The following RPAP2 variants were observed in gnomAD, a reference collection of about 807,000 sequenced individuals.
RPAP2 encodes the protein putative RNA polymerase II subunit B1 CTD phosphatase RPAP2.
RPAP2 carries 52 observed loss-of-function variants against 73.1 expected under a neutral mutation model. The observed-to-expected ratio is 0.71, with a 90% CI of 0.57 to 0.90. The LOEUF is 0.90. Among genes scored for constraint, RPAP2 ranks in the 40% least tolerant of loss-of-function variants. The pLI is 0.00. For synonymous variants in RPAP2, 225 were observed against 242.1 expected, an observed-to-expected ratio of 0.93 and a Z score of 0.65; for missense variants, 598 against 701.8, an observed-to-expected ratio of 0.85 and a Z score of 1.67.
At chr1:92,309,271 GTC>G (rs1305724470) in intron 6 of RPAP2, among the ~76,000 whole-genome samples, 1 of 151,964 alleles carries the variant, frequency 6.6e-6, no homozygotes, top group African/African-American at 2.4e-5. Flanking sequence ...GTGAAACCCT[GTC>G]TCTACTAAAA....
intron 11 of RPAP2, among the ~76,000 whole-genome samples, chr1:92,374,802 T>C (rs1244282974): frequency 2.6e-5 from 4 of 152,112 alleles, no homozygotes; most frequent in African/African-American, 4.8e-5. Flanking sequence ...TATTAAGTAA[T>C]AAAACATAAA....
chr1:92,362,820 C>CA (rs2101390419), intron 11 of RPAP2, among the ~76,000 whole-genome samples: 1 of 152,116 alleles, frequency 6.6e-6, no homozygotes, highest in African/African-American at 2.4e-5. Flanking sequence ...TGCTGCACTG[C>CA]AAAAATGTTT....
At chr1:92,306,639 A>G (rs1651255793) in intron 5 of RPAP2, among the ~76,000 whole-genome samples, 1 of 151,984 alleles carries the variant, frequency 6.6e-6, no homozygotes, top group Admixed American at 6.6e-5. Flanking sequence ...GGGAGAGAAG[A>G]TAGAGACCAG....
intron 5 of RPAP2, among the ~76,000 whole-genome samples, chr1:92,304,734 G>A (rs1458788675): frequency 6.6e-6 from 1 of 152,150 alleles, no homozygotes; most frequent in East Asian, 1.9e-4. Flanking sequence ...AATTATACTG[G>A]CACAATTAGT....
rs888079791 is a variant in RPAP2, at chr1:92,400,616, T to G, written c.*13605T>G. 4 of 152,234 alleles carry G rather than the reference T, an allele frequency of 2.6e-5. No individual in the cohort carries two copies. The highest frequency in any genetic ancestry group is 5.9e-5 in the Non-Finnish European group (4 of 68,056). The allele number at this position is 152,234 out of a possible 1,614,324, so 9.4% of individuals were successfully genotyped here. ...TCCCAAAGTGCTGAGCTTACAGGTG[T>G]CAACCACTGTGGCCAGCCACGCATT... On this transcript the variant is annotated 3_prime_UTR_variant, in exon 13 of 13. Transcript: ENST00000610020.
At chr1:92,310,554 A>G (rs1272918452) in intron 6 of RPAP2, among the ~76,000 whole-genome samples, 1 of 152,170 alleles carries the variant, frequency 6.6e-6, no homozygotes, top group Non-Finnish European at 1.5e-5. Context: ...ATGATAAAGA[A>G]TAAATTGCAT....
chr1:92,324,806 TG>T (rs1652531395), intron 8 of RPAP2, among the ~76,000 whole-genome samples: 1 of 152,172 alleles, frequency 6.6e-6, no homozygotes, highest in African/African-American at 2.4e-5. Context: ...TTAGCAAGCA[TG>T]TCCATTGAAA....
chr1:92,322,596 C>G (rs933036192), intron 7 of RPAP2, among the ~76,000 whole-genome samples: 1 of 151,388 alleles, frequency 6.6e-6, no homozygotes, highest in African/African-American at 2.4e-5. Context: ...AAAGCTCAGC[C>G]GGGCACGGTG....
intron 3 of RPAP2, among the ~76,000 whole-genome samples, chr1:92,302,969 C>T (rs1347725082): frequency 6.6e-6 from 1 of 151,974 alleles, no homozygotes; most frequent in Non-Finnish European, 1.5e-5. Flanking sequence ...GAAGCCAAGG[C>T]GGTAGGATCG....
intron 6 of RPAP2, among the ~76,000 whole-genome samples, chr1:92,320,240 G>C (rs1347777925): frequency 2.0e-5 from 3 of 151,948 alleles, no homozygotes; most frequent in African/African-American, 7.2e-5. Flanking sequence ...CAGATTTCTT[G>C]TTGATGAATT....
intron 10 of RPAP2, among the ~76,000 whole-genome samples, chr1:92,340,800 T>C (rs1013373384): frequency 2.0e-5 from 3 of 152,306 alleles, no homozygotes; most frequent in African/African-American, 7.2e-5. Context: ...ATCTAGAATG[T>C]TACATTGGTT....
intron 2 of RPAP2, among the ~76,000 whole-genome samples, chr1:92,300,712 A>G (rs1389142208): frequency 1.3e-5 from 2 of 152,250 alleles, no homozygotes; most frequent in African/African-American, 2.4e-5. Flanking sequence ...GGGGATTAAA[A>G]GCATATGTAG....
rs140709467 is a variant in RPAP2 at position 92,375,072 on chromosome 1, A to C, written c.1689-5652A>C. 3.7e-4 allele frequency among the ~76,000 whole-genome samples: 56 copies of C among 152,352 alleles called. No homozygotes were observed. In the East Asian group the frequency reaches 9.6e-3, roughly 26 times the overall value. On this transcript the variant is annotated intron_variant, in intron 11 of 12. Transcript: ENST00000610020. ...TGAATCTGGAAAACATAAAGATTAT[A>C]TATAGACCTTATTCAATTTTGAATG...
chr1:92,305,882 TTGTC>T (rs1198450427), intron 5 of RPAP2, among the ~76,000 whole-genome samples: 3 of 152,174 alleles, frequency 2.0e-5, no homozygotes, highest in African/African-American at 7.2e-5. Context: ...GGCTTGGCAT[TTGTC>T]TGGTGAAGTC....
chr1:92,304,087 A>AT lies in RPAP2; in HGVS notation c.333+20dup, dbSNP rs764038548. ...AGAAGCTGGGAATTGTAAGTAACTCATTTTTTTTAAAATATAGGCTTTTAT... is the reference window on the plus strand; with the variant it reads ...AGAAGCTGGGAATTGTAAGTAACTCATTTTTTTTTAAAATATAGGCTTTTAT... On this transcript the variant is annotated intron_variant, in intron 4 of 12. Transcript: ENST00000610020. 5.2e-5 allele frequency: 81 copies of AT among 1,553,448 alleles called. No homozygotes were observed. The highest frequency in any genetic ancestry group is 9.0e-5 in the East Asian group (4 of 44,546).
In RPAP2 at chr1:92,392,254, A is replaced by G. The variant is rs1393668779; in HGVS notation, c.*5243A>G. The G allele has an allele frequency of 1.3e-5, 2 of 152,212 alleles. No individual in the cohort carries two copies. The highest frequency in any genetic ancestry group is 2.9e-5 in the Non-Finnish European group (2 of 68,038). 9.4% of individuals were successfully genotyped at this position (152,212 alleles called of 1,614,324 possible). A position where few individuals can be genotyped will look rare whatever the true frequency, so the allele number is the denominator to read the frequency against. ...ATATGCAAATCAATAAACATAATCC[A>G]TCACATAAACAGAACCAACGGCAAA... On this transcript the variant is annotated 3_prime_UTR_variant, in exon 13 of 13. Coordinates refer to ENST00000610020, the MANE Select transcript of RPAP2 (RefSeq NM_024813.3).
chr1:92,331,887 TATTTTTCTATATTG>T (rs756177278), intron 8 of RPAP2, among the ~76,000 whole-genome samples: 2 of 152,192 alleles, frequency 1.3e-5, no homozygotes, highest in Non-Finnish European at 2.9e-5. Flanking sequence ...TTTTGAAAGA[TATTTTTCTATATTG>T]AATTTTAGAT....
At chr1:92,372,404 G>A (rs554498639) in intron 11 of RPAP2, among the ~76,000 whole-genome samples, 4 of 152,276 alleles carry the variant, frequency 2.6e-5, no homozygotes, top group African/African-American at 7.2e-5. Flanking sequence ...TTAGCCAGTC[G>A]TAGGGCTTCC....
At chr1:92,353,027 C>A (rs1335945300) in intron 11 of RPAP2, among the ~76,000 whole-genome samples, 1 of 152,200 alleles carries the variant, frequency 6.6e-6, no homozygotes, top group Non-Finnish European at 1.5e-5. Context: ...AACAGTACTT[C>A]ATTCCTTTTT....
Sources: allele counts gnomAD v4.1 joint callset (sites outside exome capture counted in the v4.1 genomes callset), GRCh38; gene constraint gnomAD v4.1.1; transcripts MANE v1.5; gene names NCBI Gene and HGNC (gene_info 2026-07-23, HGNC 2026-07-21).